RNF128: variants seen among roughly 807,000 people sequenced by gnomAD.
RNF128 encodes ring finger protein 128.
A neutral mutation model predicts 26.2 loss-of-function variants in RNF128; 13 were observed. The ratio of observed to expected loss-of-function variants is 0.50; its 90% CI spans 0.32 to 0.79. The LOEUF (loss-of-function observed/expected upper bound fraction) is 0.79, where lower values mean the gene tolerates loss of function less well. Ranked by LOEUF, RNF128 falls within the 30% of genes least tolerant of loss-of-function variation. RNF128 has a pLI of 0.03. For synonymous variants in RNF128, 149 were observed against 142.5 expected (o/e 1.05, Z -0.32); for missense variants, 315 against 349.7 (o/e 0.90, Z 0.79).
chrX:106,755,522 A>T (rs1435029189), intron 1 of RNF128, among the ~76,000 whole-genome samples: 1 of 111,419 alleles, frequency 9.0e-6, no homozygotes, highest in Non-Finnish European at 1.9e-5. Context: ...TCAACCAAAT[A>T]TTAACAAACC....
rs781084480 is a variant in RNF128 at position 106,764,151 on chromosome X, G to A, written c.485-8762G>A. On this transcript the variant is annotated intron_variant, in intron 1 of 6. Transcript: ENST00000255499. ...CTAATTTTTTTTTGTATTTTTAGAA[G>A]AGACGGGGTTTCACCATGTTAGCCA... Among the ~76,000 whole-genome samples the A allele has an allele frequency of 2.8e-5, 3 of 107,291 alleles. No individual in the cohort carries two copies. The South Asian group carries it at 1.3e-3, about 47-fold the overall frequency. The allele number at this position is 107,291 out of a possible 115,157, so 93.2% of individuals were successfully genotyped here.
intron 1 of RNF128, among the ~76,000 whole-genome samples, chrX:106,729,232 G>A (rs1378259180): frequency 1.8e-5 from 2 of 111,167 alleles, no homozygotes; most frequent in Non-Finnish European, 3.8e-5. Context: ...ACTTTATTGA[G>A]AGGCAATATG....
chrX:106,761,776 G>T (rs1401520591), intron 1 of RNF128, among the ~76,000 whole-genome samples: 2 of 110,124 alleles, frequency 1.8e-5, no homozygotes, highest in Non-Finnish European at 3.8e-5. Context: ...CAGCTCAAAT[G>T]ATGCTTCTAT....
intron 1 of RNF128, among the ~76,000 whole-genome samples, chrX:106,738,211 G>A (rs1055853058): frequency 1.8e-5 from 2 of 111,195 alleles, no homozygotes; most frequent in African/African-American, 6.5e-5. Flanking sequence ...ATGTGATCTT[G>A]GGCAAGTTGT....
intron 4 of RNF128, among the ~76,000 whole-genome samples, chrX:106,788,889 T>C (rs1393252246): frequency 1.4e-5 from 1 of 73,792 alleles, no homozygotes; most frequent in Admixed American, 2.1e-4. Flanking sequence ...ATATATTATA[T>C]ATTATACATT....
intron 1 of RNF128, among the ~76,000 whole-genome samples, chrX:106,701,544 T>C (rs1928956695): frequency 9.0e-6 from 1 of 111,545 alleles, no homozygotes; most frequent in Non-Finnish European, 1.9e-5. Context: ...TAAGGTGGTA[T>C]ACAGAAACAA....
chrX:106,716,474 T>G (rs181793161), intron 1 of RNF128, among the ~76,000 whole-genome samples: 13 of 110,560 alleles, frequency 1.2e-4, no homozygotes, highest in African/African-American at 4.3e-4. Flanking sequence ...ATGAGGGAGT[T>G]TTTGTGGTAA....
In RNF128 at chrX:106,726,932, G is replaced by T; in HGVS notation, c.19G>T (p.Ala7Ser). The change falls in exon 1 of 7, where the codon GCC becomes TCC. Residue 7 changes from alanine (A) to serine (S), a missense_variant. Transcript: ENST00000255499. Reference sequence around the variant, plus strand: ...GCGCGCCATGGGGCCGCCGCCTGGGGCCGGGGTCTCCTGCCGCGGTGGCTG... The same window carrying T: ...GCGCGCCATGGGGCCGCCGCCTGGGTCCGGGGTCTCCTGCCGCGGTGGCTG... Reference protein sequence around the residue: MGPPPGAGVSCRGGCGF... With the variant: MGPPPGSGVSCRGGCGF... 1.7e-6 allele frequency: 2 copies of T among 1,178,534 alleles called. No homozygotes were observed. The highest frequency in any genetic ancestry group is 3.1e-5 in the East Asian group (1 of 32,163).
At chrX:106,697,242 G>A (rs1325009522) in intron 1 of RNF128, among the ~76,000 whole-genome samples, 1 of 112,068 alleles carries the variant, frequency 8.9e-6, no homozygotes, top group Non-Finnish European at 1.9e-5. Context: ...ATATTTGGTA[G>A]TTACCCTTAT....
At chrX:106,759,630 G>T (rs758979309) in intron 1 of RNF128, among the ~76,000 whole-genome samples, 1 of 111,960 alleles carries the variant, frequency 8.9e-6, no homozygotes, top group South Asian at 3.7e-4. Flanking sequence ...CCTGTCATTT[G>T]CAACAACACA....
chrX:106,729,952 T>C (rs1008085537), intron 1 of RNF128, among the ~76,000 whole-genome samples: 1 of 111,907 alleles, frequency 8.9e-6, no homozygotes, highest in African/African-American at 3.2e-5. Context: ...AAGTATGGAT[T>C]AGTTCATTAT....
intron 2 of RNF128, among the ~76,000 whole-genome samples, chrX:106,780,327 G>A (rs1392253897): frequency 9.0e-6 from 1 of 111,358 alleles, no homozygotes; most frequent in Non-Finnish European, 1.9e-5. Context: ...TCATTGGTTT[G>A]ACATTTTATC....
At chrX:106,753,847 G>C (rs1364761715) in intron 1 of RNF128, among the ~76,000 whole-genome samples, 2 of 111,921 alleles carry the variant, frequency 1.8e-5, no homozygotes, top group Non-Finnish European at 3.8e-5. Flanking sequence ...ACTATAAAAA[G>C]AGATAAAGAA....
At position 106,726,875 on chromosome X, in the gene RNF128, C is replaced by A; in HGVS notation, c.-39C>A. On this transcript the variant is annotated 5_prime_UTR_variant, in exon 1 of 7. Transcript: ENST00000255499. ...GGTCCTGCCAAGCGCTAGGAGGGCG[C>A]GTGCCAGGGGCGCTAGGGAACTGCG... The A allele has an allele frequency of 2.6e-6, 3 of 1,135,169 alleles. No individual in the cohort carries two copies. The highest frequency in any genetic ancestry group is 3.5e-6 in the Non-Finnish European group (3 of 861,863). 93.6% of individuals were successfully genotyped at this position (1,135,169 alleles called of 1,213,427 possible). A position where few individuals can be genotyped will look rare whatever the true frequency, so the allele number is the denominator to read the frequency against.
At chrX:106,717,246 T>C (rs753751376) in intron 1 of RNF128, among the ~76,000 whole-genome samples, 269 of 111,309 alleles carry the variant, frequency 2.4e-3, no homozygotes, top group Non-Finnish European at 4.0e-3. Flanking sequence ...GTATTCAATA[T>C]GCAATGAAAA....
chrX:106,732,490 A>T (rs773233917), intron 1 of RNF128, among the ~76,000 whole-genome samples: 1 of 112,034 alleles, frequency 8.9e-6, no homozygotes, highest in Admixed American at 9.5e-5. Context: ...AAGGGTCACA[A>T]GATTCACTAG....
chrX:106,719,650 T>C (rs1199394710), intron 1 of RNF128, among the ~76,000 whole-genome samples: 1 of 111,933 alleles, frequency 8.9e-6, no homozygotes, highest in Non-Finnish European at 1.9e-5. Flanking sequence ...TAGATATTTA[T>C]TTTAGATATA....
In RNF128 at chrX:106,788,009, G is replaced by T. The variant is rs778836497; in HGVS notation, c.887+9G>T. On this transcript the variant is annotated intron_variant, in intron 4 of 6. Transcript: ENST00000255499. The stretch of plus-strand genomic sequence containing the variant: ...CGCATCTTAACGTGCAAGTAAGTTT[G>T]ATTTTCTTCTATATCTTCAATAAAA... 1.9e-6 allele frequency: 2 copies of T among 1,071,918 alleles called. No homozygotes were observed. The highest frequency in any genetic ancestry group is 3.8e-5 in the African/African-American group (2 of 52,246). The allele number at this position is 1,071,918 out of a possible 1,213,427, so 88.3% of individuals were successfully genotyped here. A position where few individuals can be genotyped will look rare whatever the true frequency, so the allele number is the denominator to read the frequency against.
chrX:106,740,326 G>C (rs1180626837), intron 1 of RNF128, among the ~76,000 whole-genome samples: 1 of 111,202 alleles, frequency 9.0e-6, no homozygotes, highest in African/African-American at 3.3e-5. Flanking sequence ...AAATTGCATT[G>C]ACTAGAGTTT....
Sources: gnomAD v4.1 joint callset for allele counts (sites outside exome capture counted in the v4.1 genomes callset) on GRCh38, gnomAD v4.1.1 for gene constraint, MANE v1.5 for transcripts, NCBI Gene and HGNC (gene_info 2026-07-23, HGNC 2026-07-21) for gene names.